C1D: variants seen among roughly 807,000 people sequenced by gnomAD.
C1D encodes the protein C1D nuclear receptor corepressor.
C1D carries 10 observed loss-of-function variants against 17.5 expected under a neutral mutation model. The observed-to-expected ratio is 0.57, with a 90% CI of 0.35 to 0.97. The LOEUF (loss-of-function observed/expected upper bound fraction) is 0.97, where lower values mean the gene tolerates loss of function less well. Among genes scored for constraint, C1D ranks in the 50% least tolerant of loss-of-function variants. The probability of loss-of-function intolerance (pLI) is 0.01; values close to 1 mark genes in which losing one functional copy is unlikely to be tolerated. For synonymous variants in C1D, 49 were observed against 54.0 expected (o/e 0.91, Z 0.40); for missense variants, 136 against 160.1 (o/e 0.85, Z 0.81).
chr2:68,059,141 T>C (rs1671544938), intron 1 of C1D, among the ~76,000 whole-genome samples: 1 of 152,176 alleles, frequency 6.6e-6, no homozygotes, highest in African/African-American at 2.4e-5. Flanking sequence ...AGCAGGCATG[T>C]GACAGGGCAG....
chr2:68,062,159 T>A (rs1371884262), intron 1 of C1D, among the ~76,000 whole-genome samples: 1 of 152,234 alleles, frequency 6.6e-6, no homozygotes, highest in Non-Finnish European at 1.5e-5. Flanking sequence ...ACATCTCGTG[T>A]ACCCCATAAA....
At chr2:68,055,150 G>C (rs535699179) in intron 1 of C1D, among the ~76,000 whole-genome samples, 1 of 152,036 alleles carries the variant, frequency 6.6e-6, no homozygotes, top group Non-Finnish European at 1.5e-5. Context: ...ACTTAAAAAA[G>C]AATCACGACT....
At chr2:68,053,494 C>G (rs1266821960) in intron 1 of C1D, among the ~76,000 whole-genome samples, 2 of 152,218 alleles carry the variant, frequency 1.3e-5, no homozygotes, top group Non-Finnish European at 2.9e-5. Context: ...TTCCTCTATT[C>G]TCACTGACTA....
At chr2:68,062,299 C>T (rs1434883427) in intron 1 of C1D, among the ~76,000 whole-genome samples, 1 of 152,202 alleles carries the variant, frequency 6.6e-6, no homozygotes, top group Non-Finnish European at 1.5e-5. Flanking sequence ...CTCATTGCGA[C>T]AAATACATCT....
chr2:68,049,411 A>C (rs1671221269), intron 1 of C1D, among the ~76,000 whole-genome samples: 1 of 152,232 alleles, frequency 6.6e-6, no homozygotes, highest in Non-Finnish European at 1.5e-5. Flanking sequence ...TACTGCAAAG[A>C]AGACTTGGTT....
intron 1 of C1D, among the ~76,000 whole-genome samples, chr2:68,059,291 C>T: frequency 6.6e-6 from 1 of 152,170 alleles, no homozygotes. Flanking sequence ...CCAAATATCT[C>T]CCACTAGGCC....
intron 1 of C1D, among the ~76,000 whole-genome samples, chr2:68,051,913 C>A (rs1164733811): frequency 6.6e-6 from 1 of 151,808 alleles, no homozygotes; most frequent in Non-Finnish European, 1.5e-5. Flanking sequence ...CGGTCTACTG[C>A]CAAAAGGCAA....
chr2:68,046,036 C>T lies in C1D; in HGVS notation c.213G>A (p.Leu71=). The T allele has an allele frequency of 6.3e-7, 1 of 1,582,282 alleles. No homozygotes were observed. Among genetic ancestry groups the T allele is most frequent in the Non-Finnish European group, 8.6e-7 (1 of 1,163,884 alleles). The part of the protein sequence containing the change: ...YTLNSMFWVY[L]ATQGVNPKEH... ...CCTTAGGATTAACTCCTTGGGTTGC[C>T]AAATAAACTACAAGAGAAAAATTTC... Residue 71 remains leucine, a synonymous_variant, in exon 4 of 5, where the codon TTG becomes TTA. Transcript: ENST00000410067.
In C1D at chr2:68,041,214, CTAA is replaced by C. The variant is rs1360534293; in HGVS notation, c.*1672_*1674del. On this transcript the variant is annotated 3_prime_UTR_variant, in exon 5 of 5. Coordinates refer to ENST00000410067, the MANE Select transcript of C1D (RefSeq NM_173177.3). The stretch of plus-strand genomic sequence containing the variant: ...AATATACTCAAACTTTTATTTCTAC[CTAA>C]TAATGAAAGAATTACTCACTTAAAA... 2.6e-5 allele frequency: 4 copies of C among 151,960 alleles called. No homozygotes were observed. The highest frequency in any genetic ancestry group is 4.2e-4 in the South Asian group (2 of 4,814). 9.4% of individuals were successfully genotyped at this position (151,960 alleles called of 1,614,324 possible). A position where few individuals can be genotyped will look rare whatever the true frequency, so the allele number is the denominator to read the frequency against.
In C1D at chr2:68,054,978, T is replaced by TAA. The variant is rs201067574; in HGVS notation, c.-9-7660_-9-7659insTT. The stretch of plus-strand genomic sequence containing the variant: ...AAGGCCCACATCCTTTCTTTTTTTT[T>TAA]TAAAAAAAAAAAAAAGACTATTGCA... On this transcript the variant is annotated intron_variant, in intron 1 of 4. Transcript: ENST00000410067. 4.2e-4 allele frequency among the ~76,000 whole-genome samples: 59 copies of TAA among 139,666 alleles called. 1 individual carries two copies. The highest frequency in any genetic ancestry group is 1.6e-3 in the African/African-American group (53 of 33,308). 91.6% of individuals were successfully genotyped at this position (139,666 alleles called of 152,430 possible). A position where few individuals can be genotyped will look rare whatever the true frequency, so the allele number is the denominator to read the frequency against.
intron 1 of C1D, among the ~76,000 whole-genome samples, chr2:68,062,317 G>T (rs116067711): frequency 6.6e-6 from 1 of 152,176 alleles, no homozygotes; most frequent in South Asian, 2.1e-4. Flanking sequence ...TCTTTATCAA[G>T]CCAAAACTGA....
intron 1 of C1D, among the ~76,000 whole-genome samples, chr2:68,058,406 G>C (rs1029695148): frequency 6.6e-6 from 1 of 152,152 alleles, no homozygotes; most frequent in Non-Finnish European, 1.5e-5. Context: ...GACAATCTGA[G>C]GGAAGACAGA....
intron 1 of C1D, among the ~76,000 whole-genome samples, chr2:68,059,455 T>A (rs974482391): frequency 2.6e-5 from 4 of 152,208 alleles, no homozygotes; most frequent in Non-Finnish European, 5.9e-5. Flanking sequence ...CCCTCCTCTA[T>A]AAAGGTGTCC....
intron 1 of C1D, among the ~76,000 whole-genome samples, chr2:68,047,610 C>T (rs1217789502): frequency 1.3e-5 from 2 of 152,148 alleles, no homozygotes; most frequent in African/African-American, 4.8e-5. Context: ...CTCCCTCTGT[C>T]GCCCAGGATA....
At chr2:68,044,510 C>G (rs1671061341) in intron 4 of C1D, among the ~76,000 whole-genome samples, 1 of 152,140 alleles carries the variant, frequency 6.6e-6, no homozygotes, top group Non-Finnish European at 1.5e-5. Context: ...AGATCGAGAC[C>G]ATCCTGGCTA....
intron 1 of C1D, among the ~76,000 whole-genome samples, chr2:68,062,505 C>T (rs1671663555): frequency 6.6e-6 from 1 of 152,214 alleles, no homozygotes; most frequent in Non-Finnish European, 1.5e-5. Flanking sequence ...AGCAGGCAGT[C>T]TGTGAATGTG....
At chr2:68,054,225 A>G (rs1671372591) in intron 1 of C1D, among the ~76,000 whole-genome samples, 1 of 152,210 alleles carries the variant, frequency 6.6e-6, no homozygotes, top group African/African-American at 2.4e-5. Flanking sequence ...ACCCTAAACA[A>G]TGCAAGTTCT....
chr2:68,055,310 C>T (rs1167863380), intron 1 of C1D, among the ~76,000 whole-genome samples: 2 of 152,192 alleles, frequency 1.3e-5, no homozygotes, highest in East Asian at 3.9e-4. Flanking sequence ...CCCAAAAAAG[C>T]TGAATCTGAA....
chr2:68,053,127 T>C (rs1390901993), intron 1 of C1D: 1 of 1,550,904 alleles, frequency 6.4e-7, no homozygotes, highest in East Asian at 2.4e-5. Flanking sequence ...ATACTCCTTC[T>C]AAAACACTGG....
Sources: allele counts gnomAD v4.1 joint callset (sites outside exome capture counted in the v4.1 genomes callset), GRCh38; gene constraint gnomAD v4.1.1; transcripts MANE v1.5; gene names NCBI Gene and HGNC (gene_info 2026-07-23, HGNC 2026-07-21).